Variants in PLCB4 observed in about 807,000 individuals in gnomAD.
PLCB4 encodes phospholipase C beta 4.
Under a neutral mutation model 178.8 loss-of-function variants are expected in PLCB4, and 77 were observed. The ratio of observed to expected loss-of-function variants is 0.43; its 90% CI spans 0.36 to 0.52. PLCB4 has a LOEUF of 0.52. PLCB4 is among the 20% of genes least tolerant of loss of function. The pLI is 0.00. For synonymous variants in PLCB4, 496 were observed against 490.8 expected, an observed-to-expected ratio of 1.01 and a Z score of -0.14; for missense variants, 1,024 against 1,453.4, an observed-to-expected ratio of 0.70 and a Z score of 4.80.
chr20:9,248,359 A>G (rs1326551658), intron 3 of PLCB4, among the ~76,000 whole-genome samples: 3 of 151,956 alleles, frequency 2.0e-5, no homozygotes, highest in Admixed American at 6.6e-5. Context: ...AGGTTTTTTG[A>G]TTTGGTTGAA....
At chr20:9,240,994 A>G (rs1481062573) in intron 3 of PLCB4, among the ~76,000 whole-genome samples, 1 of 152,194 alleles carries the variant, frequency 6.6e-6, no homozygotes, top group African/African-American at 2.4e-5. Flanking sequence ...AATACATTGA[A>G]TCAGTCATAT....
intron 12 of PLCB4, among the ~76,000 whole-genome samples, chr20:9,378,471 A>AGACGG (rs1160517007): frequency 3.3e-5 from 5 of 152,158 alleles, no homozygotes; most frequent in African/African-American, 1.2e-4. Flanking sequence ...CTCACCAGAA[A>AGACGG]GACGGAGCTC....
At chr20:9,222,739 C>T (rs1055548371) in intron 3 of PLCB4, among the ~76,000 whole-genome samples, 7 of 152,180 alleles carry the variant, frequency 4.6e-5, no homozygotes, top group African/African-American at 1.7e-4. Flanking sequence ...AGCCATATTT[C>T]AGTGCTCAAA....
At chr20:9,453,846 A>G (rs1258141711) in intron 33 of PLCB4, among the ~76,000 whole-genome samples, 1 of 152,220 alleles carries the variant, frequency 6.6e-6, no homozygotes, top group African/African-American at 2.4e-5. Context: ...AATACTACAG[A>G]GTTCCCTTAT....
chr20:9,245,789 A>G (rs996979580), intron 3 of PLCB4, among the ~76,000 whole-genome samples: 5 of 151,372 alleles, frequency 3.3e-5, no homozygotes, highest in Non-Finnish European at 1.5e-5. Flanking sequence ...CACATGCCAC[A>G]TGTCCTGCTA....
intron 3 of PLCB4, among the ~76,000 whole-genome samples, chr20:9,257,030 A>C (rs2094243459): frequency 6.6e-6 from 1 of 152,198 alleles, no homozygotes; most frequent in Admixed American, 6.5e-5. Flanking sequence ...AGAGAATCTT[A>C]AGAAGAAACA....
At position 9,280,474 on chromosome 20, in the gene PLCB4, G is replaced by A. The variant is rs1486204250; in HGVS notation, c.-15-27326G>A. On this transcript the variant is annotated intron_variant, in intron 3 of 39. Transcript: ENST00000378473. ...AGGGGAGAAGGGAAGGGAAAAAAAG[G>A]AGGTGGGTGTCTCTGTCCTAATTTC... is the stretch of plus-strand genomic sequence containing the variant. 15 of 983,962 alleles carry A rather than the reference G, an allele frequency of 1.5e-5. No homozygotes were observed. The South Asian group carries it at 6.6e-4, about 43-fold the overall frequency. 61.0% of individuals were successfully genotyped at this position (983,962 alleles called of 1,614,324 possible). A position where few individuals can be genotyped will look rare whatever the true frequency, so the allele number is the denominator to read the frequency against.
chr20:9,388,445 G>A (rs1043843517), intron 15 of PLCB4, among the ~76,000 whole-genome samples: 5 of 152,264 alleles, frequency 3.3e-5, no homozygotes, highest in African/African-American at 7.2e-5. Flanking sequence ...GCTGCTGGGC[G>A]TGGTGGCTCA....
chr20:9,222,750 A>G (rs1351088770), intron 3 of PLCB4, among the ~76,000 whole-genome samples: 1 of 152,222 alleles, frequency 6.6e-6, no homozygotes, highest in East Asian at 1.9e-4. Flanking sequence ...AGTGCTCAAA[A>G]GCAACATTTG....
At chr20:9,338,793 T>C (rs2032825096) in intron 6 of PLCB4, 101 bp from the exon 7 acceptor site, 7 of 840,540 alleles carry the variant, frequency 8.3e-6, no homozygotes, top group Middle Eastern at 3.4e-4. Context: ...TGGGCCCTTA[T>C]GTTTATTTTT....
intron 2 of PLCB4, among the ~76,000 whole-genome samples, chr20:9,111,920 A>G (rs2091587670): frequency 6.6e-6 from 1 of 152,180 alleles, no homozygotes; most frequent in Admixed American, 6.6e-5. Context: ...TATGTATTTA[A>G]TGTGTCTTAA....
At chr20:9,257,835 T>A (rs2094252822) in intron 3 of PLCB4, among the ~76,000 whole-genome samples, 1 of 152,156 alleles carries the variant, frequency 6.6e-6, no homozygotes, top group Non-Finnish European at 1.5e-5. Flanking sequence ...AGAGAAGAGA[T>A]GGAACTTTAA....
intron 32 of PLCB4, among the ~76,000 whole-genome samples, chr20:9,450,675 T>C (rs992106621): frequency 6.9e-6 from 1 of 145,838 alleles, no homozygotes; most frequent in Non-Finnish European, 1.5e-5. Context: ...TTTTTTTTTT[T>C]TTTGAGATGG....
intron 36 of PLCB4, 67 bp downstream of exon 36, chr20:9,468,739 A>G (rs113946365): frequency 5.6e-6 from 5 of 887,336 alleles, no homozygotes; most frequent in African/African-American, 3.3e-5. Flanking sequence ...AACTTTCTTT[A>G]TGTGTGTACA....
At chr20:9,096,807 G>A (rs1204453367) in intron 2 of PLCB4, among the ~76,000 whole-genome samples, 2 of 152,104 alleles carry the variant, frequency 1.3e-5, no homozygotes, top group African/African-American at 2.4e-5. Flanking sequence ...TGCATACTTT[G>A]TCAGCTGTAA....
intron 7 of PLCB4, among the ~76,000 whole-genome samples, chr20:9,358,555 T>C (rs2035037957): frequency 6.6e-6 from 1 of 152,138 alleles, no homozygotes; most frequent in Non-Finnish European, 1.5e-5. Flanking sequence ...ATAGGACTAG[T>C]TATTTTAGGA....
chr20:9,397,957 T>G (rs2038728220), intron 19 of PLCB4, among the ~76,000 whole-genome samples: 1 of 152,174 alleles, frequency 6.6e-6, no homozygotes, highest in African/African-American at 2.4e-5. Context: ...CTGGTTCCCT[T>G]GGGTGGGTTA....
intron 2 of PLCB4, among the ~76,000 whole-genome samples, chr20:9,192,792 C>T (rs1447994583): frequency 6.6e-6 from 1 of 151,434 alleles, no homozygotes; most frequent in African/African-American, 2.4e-5. Context: ...CATAGCAGGA[C>T]CCTATCTCAA....
intron 3 of PLCB4, among the ~76,000 whole-genome samples, chr20:9,233,413 T>C (rs981443760): frequency 6.6e-6 from 1 of 152,116 alleles, no homozygotes; most frequent in African/African-American, 2.4e-5. Context: ...AGGAACATTT[T>C]CTAATAGAGG....
Sources: gnomAD v4.1 joint callset for allele counts (sites outside exome capture counted in the v4.1 genomes callset) on GRCh38, gnomAD v4.1.1 for gene constraint, MANE v1.5 for transcripts, NCBI Gene and HGNC (gene_info 2026-07-23, HGNC 2026-07-21) for gene names.